Variants in MRTFB observed in about 807,000 individuals in gnomAD.
MRTFB encodes the protein myocardin-related transcription factor B.
A neutral mutation model predicts 104.2 loss-of-function variants in MRTFB; 29 were observed. The ratio of observed to expected loss-of-function variants is 0.28; its 90% CI spans 0.21 to 0.38. The LOEUF (loss-of-function observed/expected upper bound fraction) is 0.38, where lower values mean the gene tolerates loss of function less well. MRTFB is among the 10% of genes least tolerant of loss of function. The probability of loss-of-function intolerance (pLI) is 1.00; values close to 1 mark genes in which losing one functional copy is unlikely to be tolerated. For synonymous variants in MRTFB, 535 were observed against 519.5 expected (o/e 1.03, Z -0.41); for missense variants, 1,270 against 1,341.6 (o/e 0.95, Z 0.83).
At chr16:14,200,383 C>G (rs926874608) in intron 3 of MRTFB, 14 of 1,607,632 alleles carry the variant, frequency 8.7e-6, no homozygotes, top group Non-Finnish European at 1.2e-5. Flanking sequence ...GTAATGATGA[C>G]ACTAAAGATG....
At chr16:14,234,123 T>C (rs1372021002) in intron 8 of MRTFB, 23 bp from the exon 9 acceptor site, 14 of 1,607,544 alleles carry the variant, frequency 8.7e-6, no homozygotes, top group Non-Finnish European at 1.2e-5. Context: ...CACAGACTTG[T>C]TCCTTTTTGC....
chr16:14,071,259 G>A (rs1449200446), upstream of MRTFB: 1 of 153,730 alleles, frequency 6.5e-6, no homozygotes, highest in Non-Finnish European at 1.5e-5. Flanking sequence ...GCCGCTTCTA[G>A]CCTGGGGTCC....
chr16:14,106,467 T>A (rs966906613), intron 2 of MRTFB, among the ~76,000 whole-genome samples: 5 of 152,198 alleles, frequency 3.3e-5, no homozygotes, highest in African/African-American at 1.2e-4. Flanking sequence ...AATTTTTGAA[T>A]TCATGGGCTG....
the MRTFB span, among the ~76,000 whole-genome samples, chr16:14,066,255 GA>G: frequency 4.7e-5 from 7 of 150,136 alleles, no homozygotes; most frequent in African/African-American, 9.8e-5. Flanking sequence ...TATTTTTATT[GA>G]TTTTTTTATT....
intron 2 of MRTFB, among the ~76,000 whole-genome samples, chr16:14,131,346 C>T (rs1178264824): frequency 6.6e-6 from 1 of 152,086 alleles, no homozygotes; most frequent in Non-Finnish European, 1.5e-5. Context: ...TTTAGGATAG[C>T]GTGACCAGAA....
At chr16:14,048,515 G>A in the MRTFB span, among the ~76,000 whole-genome samples, 5,949 of 152,160 alleles carry the variant, frequency 0.039, 161 homozygotes, top group Middle Eastern at 0.065. Context: ...GCTGGAGCCT[G>A]GGAATAATGG....
chr16:14,102,010 A>G, intron 2 of MRTFB, among the ~76,000 whole-genome samples: 1 of 152,194 alleles, frequency 6.6e-6, no homozygotes, highest in East Asian at 1.9e-4. Context: ...GCTGAGAGGC[A>G]CTAATGGGAC....
chr16:14,162,524 T>A (rs1427508564), intron 3 of MRTFB, among the ~76,000 whole-genome samples: 2 of 152,216 alleles, frequency 1.3e-5, no homozygotes, highest in African/African-American at 4.8e-5. Flanking sequence ...ATTGTAATAC[T>A]TCACACAGTG....
At chr16:14,183,695 G>T (rs897355450) in intron 3 of MRTFB, among the ~76,000 whole-genome samples, 1 of 151,908 alleles carries the variant, frequency 6.6e-6, no homozygotes, top group East Asian at 1.9e-4. Flanking sequence ...GATGATTCTG[G>T]GGGAAATGCT....
chr16:14,254,545 C>A (rs958870895), intron 15 of MRTFB, among the ~76,000 whole-genome samples: 3 of 152,258 alleles, frequency 2.0e-5, no homozygotes, highest in Non-Finnish European at 4.4e-5. Context: ...TCCCCAAATT[C>A]TGTGTGCCCA....
At chr16:14,138,840 A>G (rs1411588883) in intron 2 of MRTFB, among the ~76,000 whole-genome samples, 3 of 152,270 alleles carry the variant, frequency 2.0e-5, no homozygotes, top group Non-Finnish European at 4.4e-5. Flanking sequence ...AATCTTGTCA[A>G]CAAATGATGG....
intron 3 of MRTFB, chr16:14,201,035 T>A: frequency 6.6e-7 from 1 of 1,511,194 alleles, no homozygotes; most frequent in Non-Finnish European, 9.1e-7. Context: ...GTCTTGACTT[T>A]GAACCTTTTA....
the MRTFB span, among the ~76,000 whole-genome samples, chr16:14,039,211 G>C: frequency 6.6e-6 from 1 of 152,184 alleles, no homozygotes; most frequent in African/African-American, 2.4e-5. Flanking sequence ...GTTGGCTGTT[G>C]GGGGAGCCCT....
At chr16:14,088,982 T>G (rs908246331) in intron 2 of MRTFB, among the ~76,000 whole-genome samples, 1 of 152,222 alleles carries the variant, frequency 6.6e-6, no homozygotes, top group African/African-American at 2.4e-5. Flanking sequence ...TTTGGTTTTA[T>G]GGTTGGTCAC....
At chr16:14,252,338 T>C (rs2043289654) in intron 14 of MRTFB, 27 bp from the exon 15 acceptor site, 6 of 1,607,270 alleles carry the variant, frequency 3.7e-6, no homozygotes, top group Non-Finnish European at 4.3e-6. Flanking sequence ...CAAGAGGTAA[T>C]GTGCACTCCT....
the MRTFB span, chr16:14,015,866 G>T: frequency 1.3e-5 from 5 of 398,488 alleles, no homozygotes; most frequent in Admixed American, 4.4e-5. Context: ...ACTTACCTGT[G>T]CTTACAGGTA....
intron 3 of MRTFB, among the ~76,000 whole-genome samples, chr16:14,189,265 T>C (rs528764231): frequency 6.6e-6 from 1 of 152,304 alleles, no homozygotes; most frequent in East Asian, 1.9e-4. Flanking sequence ...AAAATTGAAC[T>C]CCCAAAATTC....
At chr16:14,259,526 C>T (rs1302662777) in intron 16 of MRTFB, among the ~76,000 whole-genome samples, 1 of 151,882 alleles carries the variant, frequency 6.6e-6, no homozygotes, top group African/African-American at 2.4e-5. Flanking sequence ...TTTGGGAGGC[C>T]ACGGCAAGCG....
At chr16:14,254,389 T>C (rs375895296) in intron 15 of MRTFB, among the ~76,000 whole-genome samples, 181 of 152,320 alleles carry the variant, frequency 1.2e-3, no homozygotes, top group African/African-American at 4.1e-3. Flanking sequence ...AAGGGAGTGA[T>C]GTGGCATGAT....
Sources: allele counts gnomAD v4.1 joint callset (sites outside exome capture counted in the v4.1 genomes callset), GRCh38; gene constraint gnomAD v4.1.1; transcripts MANE v1.5; gene names NCBI Gene and HGNC (gene_info 2026-07-23, HGNC 2026-07-21).